TENM2: variants seen among roughly 807,000 people sequenced by gnomAD.
The protein encoded by TENM2 is teneurin transmembrane protein 2, also known as teneurin-2.
TENM2 carries 52 observed loss-of-function variants against 245.2 expected under a neutral mutation model. The ratio of observed to expected loss-of-function variants is 0.21; its 90% confidence interval spans 0.17 to 0.27. TENM2 has a LOEUF of 0.27. Among genes scored for constraint, TENM2 ranks in the 10% least tolerant of loss-of-function variants. The probability of loss-of-function intolerance (pLI) is 1.00; values close to 1 mark genes in which losing one functional copy is unlikely to be tolerated. For synonymous variants in TENM2, 1,363 were observed against 1,438.9 expected (o/e 0.95, Z 1.19); for missense variants, 3,046 against 3,666.8 (o/e 0.83, Z 4.37).
chr5:167,579,411 T>C (rs987252364), intron 2 of TENM2, among the ~76,000 whole-genome samples: 1 of 152,232 alleles, frequency 6.6e-6, no homozygotes, highest in African/African-American at 2.4e-5. Context: ...TGTGTCTTAG[T>C]ATAATAGGAA....
the TENM2 span, among the ~76,000 whole-genome samples, chr5:167,052,485 C>G: frequency 1.7e-4 from 26 of 152,214 alleles, 1 homozygote; most frequent in African/African-American, 6.0e-4. Flanking sequence ...TCTGGTAGTA[C>G]TTTATTTTAA....
intron 2 of TENM2, among the ~76,000 whole-genome samples, chr5:167,623,120 G>A (rs1324635707): frequency 6.6e-6 from 1 of 152,076 alleles, no homozygotes; most frequent in Non-Finnish European, 1.5e-5. Context: ...TTGCTTTTTA[G>A]GCTCTTAGCT....
chr5:167,521,349 A>C (rs1343070772), intron 2 of TENM2, among the ~76,000 whole-genome samples: 1 of 152,170 alleles, frequency 6.6e-6, no homozygotes, highest in African/African-American at 2.4e-5. Flanking sequence ...GCCCTTCTGC[A>C]TACCAGCAGA....
the TENM2 span, among the ~76,000 whole-genome samples, chr5:167,147,739 C>G: frequency 3.5e-4 from 54 of 152,136 alleles, no homozygotes; most frequent in Non-Finnish European, 7.3e-5. Flanking sequence ...ATGCAATTGA[C>G]ATTATTCCTA....
At chr5:167,221,717 T>C in the TENM2 span, among the ~76,000 whole-genome samples, 5 of 152,194 alleles carry the variant, frequency 3.3e-5, no homozygotes, top group South Asian at 1.0e-3. Flanking sequence ...AAAGATGTAT[T>C]TGTTCAAGGC....
the TENM2 span, among the ~76,000 whole-genome samples, chr5:167,092,479 C>T: frequency 3.3e-5 from 5 of 152,160 alleles, no homozygotes; most frequent in African/African-American, 9.7e-5. Context: ...AAAGAAAATA[C>T]AGCTGATATT....
At chr5:167,302,283 T>G (rs150588845) in intron 1 of TENM2, among the ~76,000 whole-genome samples, 3,801 of 152,012 alleles carry the variant, frequency 0.025, 176 homozygotes, top group African/African-American at 0.086. Context: ...AATAAGGCAT[T>G]TAGGTTTTAG....
At chr5:167,213,704 A>T in the TENM2 span, among the ~76,000 whole-genome samples, 1 of 152,242 alleles carries the variant, frequency 6.6e-6, no homozygotes, top group African/African-American at 2.4e-5. Context: ...CATTTAGATG[A>T]GTAGCCTCTA....
intron 12 of TENM2, among the ~76,000 whole-genome samples, chr5:168,133,804 C>T (rs919739): frequency 0.6 from 90,694 of 152,114 alleles, 27,711 homozygotes; most frequent in East Asian, 0.97. Flanking sequence ...CATCCATCCA[C>T]GTCTGCTTCA....
intron 6 of TENM2, among the ~76,000 whole-genome samples, chr5:168,059,610 A>G (rs1221043003): frequency 2.0e-5 from 3 of 151,856 alleles, no homozygotes; most frequent in Non-Finnish European, 4.4e-5. Flanking sequence ...TTATATTATT[A>G]TATTCCTTCT....
At chr5:167,876,269 A>G (rs1017357330) in intron 3 of TENM2, 74 bp downstream of exon 5, 2 of 1,281,066 alleles carry the variant, frequency 1.6e-6, no homozygotes, top group African/African-American at 1.5e-5. Flanking sequence ...CAAAATGACA[A>G]TGCTGAAACA....
exon 21 of TENM2, chr5:168,215,190 G>C: frequency 6.2e-7 from 1 of 1,613,886 alleles, no homozygotes; most frequent in Non-Finnish European, 8.5e-7. Context: ...TGGCAGGGAC[G>C]GGAGAGCAGT....
chr5:167,468,850 A>G (rs2127505730), intron 2 of TENM2, among the ~76,000 whole-genome samples: 1 of 152,328 alleles, frequency 6.6e-6, no homozygotes, highest in African/African-American at 2.4e-5. Flanking sequence ...TGATATGCAC[A>G]GGAAGAGAAA....
At chr5:167,592,102 T>G (rs1337142048) in intron 2 of TENM2, among the ~76,000 whole-genome samples, 1 of 152,142 alleles carries the variant, frequency 6.6e-6, no homozygotes, top group African/African-American at 2.4e-5. Context: ...TTACCTAGGT[T>G]GGGCACCAAA....
At chr5:167,326,343 G>A (rs925568939) in intron 1 of TENM2, among the ~76,000 whole-genome samples, 6 of 152,014 alleles carry the variant, frequency 3.9e-5, no homozygotes, top group Non-Finnish European at 7.4e-5. Context: ...TTCTGGAAAT[G>A]GCCAAAAATC....
chr5:167,959,388 G>T (rs1308830499), intron 4 of TENM2, among the ~76,000 whole-genome samples: 1 of 151,720 alleles, frequency 6.6e-6, no homozygotes, highest in African/African-American at 2.4e-5. Context: ...GTAGAGACGG[G>T]GTTTCACTGT....
intron 12 of TENM2, among the ~76,000 whole-genome samples, chr5:168,158,013 TC>T (rs1056045199): frequency 7.2e-5 from 11 of 152,084 alleles, no homozygotes; most frequent in Non-Finnish European, 1.0e-4. Flanking sequence ...GCCTCTGCCT[TC>T]CGGGTTCAAA....
At chr5:167,881,503 G>C (rs1474341717) in intron 3 of TENM2, among the ~76,000 whole-genome samples, 1 of 152,166 alleles carries the variant, frequency 6.6e-6, no homozygotes, top group Non-Finnish European at 1.5e-5. Context: ...AGTGTCTATA[G>C]TAACCACCTT....
chr5:167,502,971 A>T (rs543295152), intron 2 of TENM2, among the ~76,000 whole-genome samples: 1 of 152,182 alleles, frequency 6.6e-6, no homozygotes, highest in Non-Finnish European at 1.5e-5. Flanking sequence ...CTGCGACTAC[A>T]GGCGCACGCC....
Sources: gnomAD v4.1 joint callset for allele counts (sites outside exome capture counted in the v4.1 genomes callset) on GRCh38, gnomAD v4.1.1 for gene constraint, MANE v1.5 for transcripts, NCBI Gene and HGNC (gene_info 2026-07-23, HGNC 2026-07-21) for gene names.